The following NREP variants were observed in gnomAD, a reference collection of about 807,000 sequenced individuals.
NREP encodes the protein neuronal regeneration related protein.
Under a neutral mutation model 8.6 loss-of-function variants are expected in NREP, and 5 were observed. The observed-to-expected ratio is 0.58, with a 90% confidence interval of 0.30 to 1.22. The LOEUF (loss-of-function observed/expected upper bound fraction) is 1.22, where lower values mean the gene tolerates loss of function less well. Ranked by LOEUF, NREP falls within the 50% of genes most tolerant of loss-of-function variation. The pLI, the probability that NREP is intolerant of heterozygous loss-of-function variation, is 0.07. For synonymous variants in NREP, 27 were observed against 28.0 expected, an observed-to-expected ratio of 0.96 and a Z score of 0.11; for missense variants, 86 against 82.5, an observed-to-expected ratio of 1.04 and a Z score of -0.17.
chr5:111,757,680 G>T, upstream of NREP: 1 of 983,724 alleles, frequency 1.0e-6, no homozygotes, highest in Non-Finnish European at 1.2e-6. Flanking sequence ...ACTGCACCGC[G>T]CGGCGCCCCG....
chr5:111,916,573 G>A (rs1211172733), intron 2 of NREP, among the ~76,000 whole-genome samples: 1 of 152,108 alleles, frequency 6.6e-6, no homozygotes. Flanking sequence ...GCCTTTGCGT[G>A]GTGACTAAGA....
intron 2 of NREP, among the ~76,000 whole-genome samples, chr5:111,865,510 C>T (rs1753644600): frequency 6.6e-6 from 1 of 152,194 alleles, no homozygotes. Context: ...CCATATTCTA[C>T]TGAATCACCT....
chr5:111,802,011 A>G (rs6897269), intron 2 of NREP, among the ~76,000 whole-genome samples: 1 of 152,002 alleles, frequency 6.6e-6, no homozygotes, highest in African/African-American at 2.4e-5. Context: ...AGGCTCCTAC[A>G]TTCTATACCT....
At chr5:111,912,171 A>G (rs1003426999) in intron 2 of NREP, among the ~76,000 whole-genome samples, 8 of 152,058 alleles carry the variant, frequency 5.3e-5, no homozygotes, top group Non-Finnish European at 1.0e-4. Context: ...TCTTGTGCAC[A>G]CATTCGTATG....
chr5:111,779,317 G>A (rs1161902473), intron 2 of NREP, among the ~76,000 whole-genome samples: 2 of 152,108 alleles, frequency 1.3e-5, no homozygotes, highest in East Asian at 1.9e-4. Context: ...TCTTTTCCCA[G>A]CTCTAGACGC....
chr5:111,800,152 A>C (rs1404676813), intron 2 of NREP, among the ~76,000 whole-genome samples: 2 of 150,348 alleles, frequency 1.3e-5, no homozygotes, highest in Non-Finnish European at 1.5e-5. Flanking sequence ...CTGATCTCAA[A>C]CTCCTGCCCT....
chr5:111,817,750 A>G (rs1378076752), intron 2 of NREP, among the ~76,000 whole-genome samples: 1 of 143,732 alleles, frequency 7.0e-6, no homozygotes, highest in Non-Finnish European at 1.5e-5. Context: ...GCTTACAGTG[A>G]GCTGAGATCG....
chr5:111,812,671 A>G (rs547989859), intron 2 of NREP, among the ~76,000 whole-genome samples: 1 of 152,250 alleles, frequency 6.6e-6, no homozygotes, highest in East Asian at 1.9e-4. Context: ...GGGACCCTTA[A>G]CATTCTCTAC....
intron 3 of NREP, among the ~76,000 whole-genome samples, chr5:111,731,545 G>A (rs188890843): frequency 2.0e-5 from 3 of 152,016 alleles, no homozygotes; most frequent in Non-Finnish European, 2.9e-5. Context: ...TCTTATCTAT[G>A]TATGGCTTAT....
intron 2 of NREP, among the ~76,000 whole-genome samples, chr5:111,740,880 C>A (rs1749590061): frequency 6.6e-6 from 1 of 152,092 alleles, no homozygotes; most frequent in African/African-American, 2.4e-5. Context: ...TTCCTCTGTT[C>A]ATTTACTGTC....
At chr5:111,961,837 T>A (rs1756489137) in intron 2 of NREP, among the ~76,000 whole-genome samples, 1 of 152,230 alleles carries the variant, frequency 6.6e-6, no homozygotes, top group Non-Finnish European at 1.5e-5. Context: ...TGGTGAGGAC[T>A]TAACAGGAGA....
intron 2 of NREP, among the ~76,000 whole-genome samples, chr5:111,958,402 T>G (rs759723958): frequency 6.6e-6 from 1 of 151,916 alleles, no homozygotes; most frequent in South Asian, 2.1e-4. Flanking sequence ...CAATTCATAG[T>G]TGATAAAATT....
At chr5:111,975,829 T>C (rs1474350887) in intron 1 of NREP, among the ~76,000 whole-genome samples, 1 of 152,198 alleles carries the variant, frequency 6.6e-6, no homozygotes, top group Non-Finnish European at 1.5e-5. Context: ...CCAAAAATAG[T>C]TAATTTCACC....
chr5:111,905,127 C>T (rs1383234619), intron 2 of NREP, among the ~76,000 whole-genome samples: 2 of 152,018 alleles, frequency 1.3e-5, no homozygotes, highest in Admixed American at 6.6e-5. Context: ...TCCTATATGC[C>T]TTTTGTCAGA....
At chr5:111,919,846 A>T (rs962808161) in intron 2 of NREP, among the ~76,000 whole-genome samples, 1 of 147,736 alleles carries the variant, frequency 6.8e-6, no homozygotes, top group Admixed American at 6.8e-5. Flanking sequence ...CATTCTGCAC[A>T]TGTATCCCAG....
chr5:111,821,670 AC>A (rs1473164888), intron 2 of NREP, among the ~76,000 whole-genome samples: 3 of 152,144 alleles, frequency 2.0e-5, no homozygotes, highest in Non-Finnish European at 4.4e-5. Context: ...AAACAATAAA[AC>A]AAGAAGCAAG....
intron 2 of NREP, among the ~76,000 whole-genome samples, chr5:111,881,391 TG>T (rs1226112326): frequency 6.6e-6 from 1 of 152,254 alleles, no homozygotes; most frequent in Admixed American, 6.5e-5. Flanking sequence ...GCTTCACCTC[TG>T]GGGGGCAGGG....
chr5:111,761,622 A>G (rs959133446), upstream of NREP, among the ~76,000 whole-genome samples: 1 of 152,216 alleles, frequency 6.6e-6, no homozygotes, highest in African/African-American at 2.4e-5. Context: ...GAAGGAACAG[A>G]TCGCAGGATA....
chr5:111,739,051 A>T, intron 2 of NREP: 1 of 152,202 alleles, frequency 6.6e-6, no homozygotes, highest in East Asian at 1.9e-4. Flanking sequence ...TCTGTTGTGT[A>T]AGCTGCCCAG....
Sources: allele counts gnomAD v4.1 joint callset (sites outside exome capture counted in the v4.1 genomes callset), GRCh38; gene constraint gnomAD v4.1.1; transcripts MANE v1.5; gene names NCBI Gene and HGNC (gene_info 2026-07-23, HGNC 2026-07-21).